Variants in EPHB2 observed in about 807,000 individuals in gnomAD.
The protein encoded by EPHB2 is ephrin type-B receptor 2.
EPHB2 carries 18 observed loss-of-function variants against 96.4 expected under a neutral mutation model. The ratio of observed to expected loss-of-function variants is 0.19; its 90% CI spans 0.13 to 0.28. The LOEUF (loss-of-function observed/expected upper bound fraction) is 0.28. Among genes scored for constraint, EPHB2 ranks in the 10% least tolerant of loss-of-function variants. The probability of loss-of-function intolerance (pLI) is 1.00; values close to 1 mark genes in which losing one functional copy is unlikely to be tolerated. For synonymous variants in EPHB2, 506 were observed against 534.1 expected (o/e 0.95, Z 0.72); for missense variants, 989 against 1,355.4 (o/e 0.73, Z 4.25).
chr1:22,865,253 G>A (rs45550439), intron 5 of EPHB2, 41 bp downstream of exon 5: 24 of 1,609,886 alleles, frequency 1.5e-5, no homozygotes, highest in East Asian at 1.3e-4. Flanking sequence ...GCCCCATCGC[G>A]CTGTGCCAGG....
At chr1:22,723,571 T>TG (rs1047658216) in intron 1 of EPHB2, among the ~76,000 whole-genome samples, 2 of 152,232 alleles carry the variant, frequency 1.3e-5, no homozygotes, top group Non-Finnish European at 2.9e-5. Flanking sequence ...GAAAGGGTGA[T>TG]GAGGCTGGGC....
chr1:22,909,442 A>G (rs1383639349), intron 13 of EPHB2, among the ~76,000 whole-genome samples: 1 of 152,236 alleles, frequency 6.6e-6, no homozygotes, highest in Non-Finnish European at 1.5e-5. Flanking sequence ...GCCAGCCCCA[A>G]ATGAGACCAC....
chr1:22,833,178 C>T (rs1008504051), intron 3 of EPHB2, among the ~76,000 whole-genome samples: 15 of 151,944 alleles, frequency 9.9e-5, no homozygotes, highest in Admixed American at 2.0e-4. Context: ...AGTTCAGTGG[C>T]GCAGTCTCGG....
intron 14 of EPHB2, among the ~76,000 whole-genome samples, chr1:22,911,838 G>T (rs1640113652): frequency 6.6e-6 from 1 of 152,130 alleles, no homozygotes; most frequent in South Asian, 2.1e-4. Flanking sequence ...TCCTCACCAT[G>T]ACCCTGTGTC....
In EPHB2 at chr1:22,733,088, G is replaced by A. The variant is rs118044658; in HGVS notation, c.61+22045G>A. Reference sequence around the variant, plus strand: ...TTTTTTTTGGAGTTTCGCTCTTGTCGCCCAGACTGGAATGCAATGGCGTAG... The same window carrying A: ...TTTTTTTTGGAGTTTCGCTCTTGTCACCCAGACTGGAATGCAATGGCGTAG... On this transcript the variant is annotated intron_variant, in intron 1 of 15. Coordinates refer to ENST00000374630, the MANE Select transcript of EPHB2 (RefSeq NM_017449.5). The surrounding 1 kb of genome is among the most constrained non-coding windows in gnomAD (Gnocchi z 4.6). Among the ~76,000 whole-genome samples the A allele has an allele frequency of 3.9e-3, 592 of 151,064 alleles. 17 individuals are homozygous for A. In the East Asian group the frequency reaches 0.065, roughly 17 times the overall value.
At chr1:22,876,087 G>A (rs1440175552) in intron 5 of EPHB2, among the ~76,000 whole-genome samples, 2 of 152,180 alleles carry the variant, frequency 1.3e-5, no homozygotes, top group Non-Finnish European at 2.9e-5. Flanking sequence ...GGGTGCAGTG[G>A]GAAGCCGCTG....
At chr1:22,785,273 G>A (rs1322791638) in intron 3 of EPHB2, among the ~76,000 whole-genome samples, 197 bp downstream of exon 3, 6 of 152,210 alleles carry the variant, frequency 3.9e-5, no homozygotes, top group African/African-American at 7.2e-5. Flanking sequence ...TTCTGAAAAC[G>A]ATCCGCGCAC....
intron 6 of EPHB2, chr1:22,891,267 C>T (rs1639379182): frequency 8.9e-6 from 4 of 447,284 alleles, no homozygotes; most frequent in African/African-American, 2.0e-5. Context: ...TAACATTGCA[C>T]GCACTGAATC....
chr1:22,808,131 C>CAAAAAAA (rs35957296), intron 3 of EPHB2, among the ~76,000 whole-genome samples: 1 of 141,366 alleles, frequency 7.1e-6, no homozygotes, highest in African/African-American at 2.7e-5. Flanking sequence ...AAGACTGTCA[C>CAAAAAAA]AAAAAAAAAA....
intron 6 of EPHB2, among the ~76,000 whole-genome samples, chr1:22,885,096 T>C (rs566802674): frequency 1.3e-5 from 2 of 151,994 alleles, no homozygotes; most frequent in Non-Finnish European, 2.9e-5. Context: ...CACCCCTCAG[T>C]GGGCCCTGGA....
chr1:22,811,760 C>T (rs751044717), intron 3 of EPHB2, among the ~76,000 whole-genome samples: 12 of 152,166 alleles, frequency 7.9e-5, no homozygotes, highest in Non-Finnish European at 1.5e-4. Flanking sequence ...GCCCCTTGGC[C>T]GGGGGCAGTG....
intron 3 of EPHB2, among the ~76,000 whole-genome samples, chr1:22,787,111 T>A (rs903715878): frequency 1.3e-5 from 2 of 152,208 alleles, no homozygotes; most frequent in African/African-American, 4.8e-5. Flanking sequence ...GGCTCTGCCT[T>A]CTGGAGCTCA....
chr1:22,820,472 G>A (rs1422227140), intron 3 of EPHB2, among the ~76,000 whole-genome samples: 1 of 152,080 alleles, frequency 6.6e-6, no homozygotes. Context: ...ACCAGCCTGG[G>A]CAACATAGTG....
At position 22,785,003 on chromosome 1, in the gene EPHB2, G is replaced by A; in HGVS notation, c.738G>A (p.Glu246=). The change falls in exon 3 of 16, where the codon GAG becomes GAA. Residue 246 remains glutamate (E), a synonymous_variant. Coordinates refer to ENST00000374630, the MANE Select transcript of EPHB2 (RefSeq NM_017449.5). ...AGCTCTACTGTAACGGGGACGGCGA[G>A]TGGCTGGTGCCCATCGGGCGCTGCA... The part of the protein sequence containing the change: ...PIKLYCNGDG[E]WLVPIGRCMC... The A allele has an allele frequency of 6.2e-7, 1 of 1,613,922 alleles. No homozygotes were observed. Among genetic ancestry groups the A allele is most frequent in the South Asian group, 1.1e-5 (1 of 91,090 alleles).
intron 9 of EPHB2, among the ~76,000 whole-genome samples, chr1:22,900,691 G>A (rs759686474): frequency 2.0e-5 from 3 of 152,168 alleles, no homozygotes; most frequent in Non-Finnish European, 4.4e-5. Flanking sequence ...TTTTAAGAGA[G>A]ACCCCAGGGT....
rs151278803 is a variant in EPHB2, at chr1:22,794,078, G to T, written c.811+9002G>T. Reference sequence around the variant, plus strand: ...GGTGTGATAGAAAGAACCTCAGTTTGCTTACCTGGGAAATGGAAACATTAC... The same window carrying T: ...GGTGTGATAGAAAGAACCTCAGTTTTCTTACCTGGGAAATGGAAACATTAC... On this transcript the variant is annotated intron_variant, in intron 3 of 15. Transcript: ENST00000374630. Among the ~76,000 whole-genome samples the T allele has an allele frequency of 4.1e-3, 625 of 152,298 alleles. 10 individuals are homozygous for T. The highest frequency in any genetic ancestry group is 0.014 in the African/African-American group (589 of 41,544).
chr1:22,839,457 C>G (rs78514000), intron 3 of EPHB2, among the ~76,000 whole-genome samples: 47 of 152,244 alleles, frequency 3.1e-4, no homozygotes, highest in Non-Finnish European at 4.9e-4. Context: ...GCAAGAGGCT[C>G]AAAGTCTGGG....
At chr1:22,861,953 G>C (rs1638272066) in intron 3 of EPHB2, among the ~76,000 whole-genome samples, 1 of 152,206 alleles carries the variant, frequency 6.6e-6, no homozygotes. Flanking sequence ...TCATCCCAAG[G>C]AGATGAAATG....
intron 1 of EPHB2, among the ~76,000 whole-genome samples, chr1:22,732,940 T>C (rs1570170495): frequency 6.6e-6 from 1 of 152,200 alleles, no homozygotes; most frequent in East Asian, 1.9e-4. Flanking sequence ...GATGAAGAAA[T>C]TGAGGCTCAA....
Sources: allele counts gnomAD v4.1 joint callset (sites outside exome capture counted in the v4.1 genomes callset), GRCh38; gene constraint gnomAD v4.1.1; non-coding constraint Gnocchi (gnomAD v3.1); transcripts MANE v1.5; gene names NCBI Gene and HGNC (gene_info 2026-07-23, HGNC 2026-07-21).